Variants in CACNA1E observed in about 807,000 individuals in gnomAD.
The protein encoded by CACNA1E is voltage-dependent R-type calcium channel subunit alpha-1E.
A neutral mutation model predicts 259.2 loss-of-function variants in CACNA1E; 40 were observed. The ratio of observed to expected loss-of-function variants is 0.15; its 90% CI spans 0.12 to 0.20. CACNA1E has a LOEUF of 0.20. Ranked by LOEUF, CACNA1E falls within the 10% of genes least tolerant of loss-of-function variation. The pLI is 1.00. For synonymous variants in CACNA1E, 1,104 were observed against 1,138.5 expected (o/e 0.97, Z 0.61); for missense variants, 1,874 against 3,040.1 (o/e 0.62, Z 9.02).
chr1:181,474,298 ATG>A (rs1409165197), intron 2 of CACNA1E, among the ~76,000 whole-genome samples: 12 of 152,246 alleles, frequency 7.9e-5, no homozygotes, highest in Admixed American at 5.9e-4. Flanking sequence ...GTGCATGTAT[ATG>A]TGTGTGTCCA....
chr1:181,391,286 T>C (rs1656257977), intron 1 of CACNA1E, among the ~76,000 whole-genome samples: 1 of 152,172 alleles, frequency 6.6e-6, no homozygotes. Context: ...ATCCTGCCAC[T>C]CCCCTGCTTA....
intron 32 of CACNA1E, among the ~76,000 whole-genome samples, chr1:181,760,762 T>C (rs1658514033): frequency 6.6e-6 from 1 of 152,234 alleles, no homozygotes; most frequent in Non-Finnish European, 1.5e-5. Flanking sequence ...ATTCAGACCC[T>C]GTTCTATCTG....
intron 1 of CACNA1E, among the ~76,000 whole-genome samples, chr1:181,393,174 G>T (rs1464174746): frequency 6.6e-6 from 1 of 152,172 alleles, no homozygotes; most frequent in African/African-American, 2.4e-5. Flanking sequence ...TGCATGCTGT[G>T]GGGGAAGGCT....
intron 12 of CACNA1E, among the ~76,000 whole-genome samples, chr1:181,719,525 C>G (rs1654234309): frequency 6.6e-6 from 1 of 152,158 alleles, no homozygotes; most frequent in South Asian, 2.1e-4. Context: ...GTCAGTAAGC[C>G]AATCTACAGT....
At chr1:181,779,030 A>C (rs1289289372) in intron 38 of CACNA1E, among the ~76,000 whole-genome samples, 1 of 152,230 alleles carries the variant, frequency 6.6e-6, no homozygotes, top group Non-Finnish European at 1.5e-5. Context: ...GTCTGTGAAA[A>C]GCAAACAGTT....
intron 6 of CACNA1E, among the ~76,000 whole-genome samples, chr1:181,585,960 C>A (rs1375035334): frequency 6.6e-6 from 1 of 152,036 alleles, no homozygotes; most frequent in African/African-American, 2.4e-5. Context: ...CATGACCTGA[C>A]TTGTGTTTGA....
chr1:181,510,640 C>A, intron 2 of CACNA1E, 58 bp downstream of exon 2: 1 of 1,109,380 alleles, frequency 9.0e-7, no homozygotes, highest in South Asian at 1.3e-5. Context: ...GTTTCTTCTC[C>A]TCTGCTTTAT....
intron 1 of CACNA1E, among the ~76,000 whole-genome samples, chr1:181,502,925 T>G (rs148708765): frequency 6.6e-6 from 1 of 152,322 alleles, no homozygotes; most frequent in Non-Finnish European, 1.5e-5. Context: ...TCTTGAACTC[T>G]TGACCTCAAG....
At chr1:181,539,198 G>A (rs1461364541) in intron 3 of CACNA1E, among the ~76,000 whole-genome samples, 4 of 152,016 alleles carry the variant, frequency 2.6e-5, no homozygotes, top group South Asian at 2.1e-4. Flanking sequence ...TCCGTTACTC[G>A]TTGACTAGGC....
chr1:181,548,400 A>G (rs1463526084), intron 3 of CACNA1E, among the ~76,000 whole-genome samples: 2 of 152,150 alleles, frequency 1.3e-5, no homozygotes, highest in African/African-American at 4.8e-5. Flanking sequence ...TGCTGGGATT[A>G]CAGATGTGAG....
chr1:181,431,136 T>C lies in CACNA1E; in HGVS notation c.434+17556T>C, dbSNP rs1031637034. Among the ~76,000 whole-genome samples the C allele has an allele frequency of 2.0e-5, 3 of 152,134 alleles. No homozygotes were observed. The East Asian group carries it at 5.8e-4, about 29-fold the overall frequency. On this transcript the variant is annotated intron_variant, in intron 2 of 11. Transcript: ENST00000524607. Reference sequence around the variant, plus strand: ...AAAAATAAAAAAAAAAGAATTCAAATTGTGCAAGTAAAACAAAAGGTAAAT... The same window carrying C: ...AAAAATAAAAAAAAAAGAATTCAAACTGTGCAAGTAAAACAAAAGGTAAAT...
chr1:181,402,032 A>C (rs1237127053), intron 1 of CACNA1E, among the ~76,000 whole-genome samples: 4 of 152,228 alleles, frequency 2.6e-5, no homozygotes, highest in Non-Finnish European at 5.9e-5. Context: ...GTGTGTGATG[A>C]TTGATGGCCC....
At chr1:181,609,738 G>T (rs1030585559) in intron 6 of CACNA1E, among the ~76,000 whole-genome samples, 1 of 152,190 alleles carries the variant, frequency 6.6e-6, no homozygotes, top group Admixed American at 6.5e-5. Flanking sequence ...CACAGCAGTT[G>T]TGTGAGCTAG....
At chr1:181,425,668 G>A (rs930516488) in intron 2 of CACNA1E, among the ~76,000 whole-genome samples, 3 of 151,384 alleles carry the variant, frequency 2.0e-5, no homozygotes, top group African/African-American at 4.8e-5. Flanking sequence ...GGAGGTGGGC[G>A]TGGGGCACCC....
chr1:181,385,581 C>T (rs577579947), intron 1 of CACNA1E, among the ~76,000 whole-genome samples: 7 of 152,326 alleles, frequency 4.6e-5, no homozygotes, highest in African/African-American at 1.2e-4. Context: ...CAAAGCTAGA[C>T]GGCTTGCTGC....
intron 7 of CACNA1E, among the ~76,000 whole-genome samples, chr1:181,686,581 C>T (rs1223999753): frequency 6.6e-6 from 1 of 152,216 alleles, no homozygotes; most frequent in Admixed American, 6.5e-5. Flanking sequence ...GCCACTGCGC[C>T]TGGCCAGAGC....
intron 15 of CACNA1E, 37 bp from the exon 16 acceptor site, chr1:181,721,721 C>T: frequency 7.2e-7 from 1 of 1,390,542 alleles, no homozygotes; most frequent in South Asian, 1.2e-5. Context: ...CTCCTCCAGC[C>T]CAGGTTTCTG....
intron 1 of CACNA1E, among the ~76,000 whole-genome samples, chr1:181,398,801 T>C (rs1191953899): frequency 1.3e-5 from 2 of 152,232 alleles, no homozygotes; most frequent in Non-Finnish European, 2.9e-5. Flanking sequence ...AGTCATAGTT[T>C]CCACTGGCTT....
At chr1:181,724,650 C>T (rs1373113800) in intron 17 of CACNA1E, 113 bp downstream of exon 17, 16 of 835,390 alleles carry the variant, frequency 1.9e-5, no homozygotes, top group Non-Finnish European at 2.9e-5. Context: ...GCCAGGAAGG[C>T]CCTTTCTGGA....
Sources: allele counts gnomAD v4.1 joint callset (sites outside exome capture counted in the v4.1 genomes callset), GRCh38; gene constraint gnomAD v4.1.1; transcripts MANE v1.5; gene names NCBI Gene and HGNC (gene_info 2026-07-23, HGNC 2026-07-21).